EPS15: variants seen among roughly 807,000 people sequenced by gnomAD.
EPS15 encodes epidermal growth factor receptor pathway substrate 15.
In EPS15, 72 loss-of-function variants were observed where a neutral mutation model predicts 113.8. The observed-to-expected ratio is 0.63, with a 90% CI of 0.52 to 0.77. The LOEUF is 0.77. Among genes scored for constraint, EPS15 ranks in the 30% least tolerant of loss-of-function variants. The pLI is 0.00. For synonymous variants in EPS15, 344 were observed against 363.4 expected, an observed-to-expected ratio of 0.95 and a Z score of 0.61; for missense variants, 1,048 against 1,045.8, an observed-to-expected ratio of 1.00 and a Z score of -0.03.
At chr1:51,380,691 C>T (rs927947425) in intron 21 of EPS15, among the ~76,000 whole-genome samples, 1 of 152,058 alleles carries the variant, frequency 6.6e-6, no homozygotes, top group Non-Finnish European at 1.5e-5. Context: ...ATAAGTCCTT[C>T]CCTATCAGTA....
At chr1:51,487,484 C>T (rs1272714671) in intron 1 of EPS15, among the ~76,000 whole-genome samples, 3 of 151,976 alleles carry the variant, frequency 2.0e-5, no homozygotes, top group African/African-American at 2.4e-5. Context: ...TGTAGTACCC[C>T]CTTTCATTCT....
At chr1:51,493,967 C>G (rs1167758845) in intron 1 of EPS15, among the ~76,000 whole-genome samples, 1 of 152,124 alleles carries the variant, frequency 6.6e-6, no homozygotes, top group African/African-American at 2.4e-5. Context: ...TTCATGTTAA[C>G]TTTCAAGCTC....
rs998416888 is a variant in EPS15 at position 51,355,432 on chromosome 1, T to G, written c.*1268A>C. On this transcript the variant is annotated 3_prime_UTR_variant, in exon 25 of 25. Coordinates refer to ENST00000371733, the MANE Select transcript of EPS15 (RefSeq NM_001981.3). ...AAAATTAAAATGACAAGTTACAGCT[T>G]ACTTCACAGTCTATTTCAAATTCAG... 1.0e-5 allele frequency: 2 copies of G among 199,380 alleles called. No homozygotes were observed. The highest frequency in any genetic ancestry group is 4.6e-5 in the African/African-American group (2 of 43,424). 12.4% of individuals were successfully genotyped at this position (199,380 alleles called of 1,614,324 possible). A position where few individuals can be genotyped will look rare whatever the true frequency, so the allele number is the denominator to read the frequency against.
chr1:51,391,228 A>G (rs1204038371), intron 21 of EPS15, among the ~76,000 whole-genome samples: 5 of 151,702 alleles, frequency 3.3e-5, no homozygotes, highest in African/African-American at 4.8e-5. Context: ...AAAACCAAAC[A>G]CCGCATGTTC....
Position 51,421,871 on chromosome 1 carries a change from C to A in EPS15, c.1041-13G>T. 1 of 1,611,312 alleles carries A rather than the reference C, an allele frequency of 6.2e-7. No individual in the cohort carries two copies. Among genetic ancestry groups the A allele is most frequent in the Middle Eastern group, 1.7e-4 (1 of 6,042 alleles). On this transcript the variant is annotated splice_polypyrimidine_tract_variant and intron_variant, in intron 12 of 24. Transcript: ENST00000371733. ...ATTATTCTTTTCCCTAGAAGACCAG[C>A]AAACAATGCAAGAATATTTTAGAAC...
intron 21 of EPS15, among the ~76,000 whole-genome samples, chr1:51,389,793 C>G (rs1647207737): frequency 6.6e-6 from 1 of 152,198 alleles, no homozygotes; most frequent in African/African-American, 2.4e-5. Context: ...GAACTACAAA[C>G]CACTGCTCAA....
intron 1 of EPS15, among the ~76,000 whole-genome samples, chr1:51,515,724 C>T (rs1644703530): frequency 2.0e-5 from 3 of 151,736 alleles, no homozygotes; most frequent in Non-Finnish European, 4.4e-5. Flanking sequence ...TGGCATATGC[C>T]GAAAAAAAAG....
At chr1:51,439,741 G>A (rs182188507) in intron 12 of EPS15, among the ~76,000 whole-genome samples, 1 of 151,952 alleles carries the variant, frequency 6.6e-6, no homozygotes, top group African/African-American at 2.4e-5. Context: ...CCTGGGATCA[G>A]GTATCAGCTC....
At chr1:51,378,294 G>A (rs1646851658) in intron 21 of EPS15, among the ~76,000 whole-genome samples, 2 of 152,046 alleles carry the variant, frequency 1.3e-5, no homozygotes, top group South Asian at 4.1e-4. Context: ...CCAGAGTATA[G>A]TGAAAACAGA....
intron 12 of EPS15, chr1:51,422,106 G>C (rs1650815774): frequency 9.0e-7 from 1 of 1,113,736 alleles, no homozygotes; most frequent in East Asian, 3.6e-5. Flanking sequence ...AAAAAAGGAA[G>C]AGGAGAAAAA....
intron 24 of EPS15, among the ~76,000 whole-genome samples, chr1:51,358,514 C>G (rs979535137): frequency 6.6e-6 from 1 of 152,106 alleles, no homozygotes; most frequent in South Asian, 2.1e-4. Context: ...CACTGTCAGG[C>G]TTTTGAAATG....
chr1:51,419,015 T>A (rs943612314), intron 13 of EPS15, among the ~76,000 whole-genome samples: 5 of 152,038 alleles, frequency 3.3e-5, no homozygotes, highest in Admixed American at 2.6e-4. Flanking sequence ...AAGAAAAAAA[T>A]TTTTAATAAG....
chr1:51,460,343 G>A (rs891415934), intron 8 of EPS15, among the ~76,000 whole-genome samples: 4 of 152,166 alleles, frequency 2.6e-5, no homozygotes, highest in African/African-American at 9.6e-5. Context: ...CAATTACTAA[G>A]ATGACATGTC....
intron 21 of EPS15, chr1:51,372,596 A>G (rs1439043617): frequency 1.9e-6 from 1 of 516,488 alleles, no homozygotes; most frequent in Non-Finnish European, 3.9e-6. Context: ...TGAACTCAAG[A>G]AAAGACACTA....
rs1005202061 is a variant in EPS15 at position 51,355,398 on chromosome 1, G to A, written c.*1302C>T. 2 of 203,984 alleles carry A rather than the reference G, an allele frequency of 9.8e-6. No individual in the cohort carries two copies. Among genetic ancestry groups the A allele is most frequent in the Non-Finnish European group, 2.0e-5 (2 of 99,724 alleles). The allele number at this position is 203,984 out of a possible 1,614,324, so 12.6% of individuals were successfully genotyped here. A position where few individuals can be genotyped will look rare whatever the true frequency, so the allele number is the denominator to read the frequency against. ...TAATACATCATCTAAGTCAGTAACCGTGTTAAACAAAATTAAAATGACAAG... is the reference window on the plus strand; with the variant it reads ...TAATACATCATCTAAGTCAGTAACCATGTTAAACAAAATTAAAATGACAAG... On this transcript the variant is annotated 3_prime_UTR_variant, in exon 25 of 25. Transcript: ENST00000371733.
At chr1:51,471,774 T>A in intron 3 of EPS15, 37 bp from the exon 4 acceptor site, 1 of 1,418,300 alleles carries the variant, frequency 7.1e-7, no homozygotes, top group Non-Finnish European at 9.9e-7. Flanking sequence ...ATGTATATTT[T>A]AAACAAAAGT....
intron 1 of EPS15, among the ~76,000 whole-genome samples, chr1:51,492,430 G>A (rs561197918): frequency 2.0e-5 from 3 of 152,214 alleles, no homozygotes; most frequent in Non-Finnish European, 4.4e-5. Context: ...ATTTGCTCTG[G>A]AGATTCACTT....
intron 7 of EPS15, 114 bp from the exon 8 acceptor site, chr1:51,461,264 C>T: frequency 4.1e-6 from 3 of 730,080 alleles, no homozygotes; most frequent in Non-Finnish European, 4.8e-6. Context: ...CATATGGCCT[C>T]CCAGCACTTT....
chr1:51,362,727 T>C (rs1432108782), intron 23 of EPS15, among the ~76,000 whole-genome samples: 1 of 151,978 alleles, frequency 6.6e-6, no homozygotes, highest in African/African-American at 2.4e-5. Flanking sequence ...CTCAAGACCA[T>C]GGAAAGGTTA....
Sources: gnomAD v4.1 joint callset for allele counts (sites outside exome capture counted in the v4.1 genomes callset) on GRCh38, gnomAD v4.1.1 for gene constraint, MANE v1.5 for transcripts, NCBI Gene and HGNC (gene_info 2026-07-23, HGNC 2026-07-21) for gene names.